Variants in ZBBX observed in about 807,000 individuals in gnomAD.
The protein encoded by ZBBX is zinc finger B-box domain-containing protein 1.
In ZBBX, 101 loss-of-function variants were observed where a neutral mutation model predicts 108.5. That is an observed-to-expected ratio of 0.93 (90% CI 0.79 to 1.10). The LOEUF (loss-of-function observed/expected upper bound fraction) is 1.10, where lower values mean the gene tolerates loss of function less well. ZBBX is among the 50% of genes least tolerant of loss of function. The pLI is 0.00. For missense variants in ZBBX, 1,009 were observed against 941.4 expected, an observed-to-expected ratio of 1.07 and a Z score of -0.94; for synonymous variants, 356 against 323.4, an observed-to-expected ratio of 1.10 and a Z score of -1.08.
intron 11 of ZBBX, among the ~76,000 whole-genome samples, chr3:167,325,505 T>C (rs1737211646): frequency 6.6e-6 from 1 of 152,066 alleles, no homozygotes; most frequent in Non-Finnish European, 1.5e-5. Flanking sequence ...ACGTGGAAAT[T>C]ATGGGAGCTA....
intron 9 of ZBBX, among the ~76,000 whole-genome samples, chr3:167,335,123 C>T (rs1391635346): frequency 6.6e-6 from 1 of 151,576 alleles, no homozygotes; most frequent in African/African-American, 2.4e-5. Flanking sequence ...TAGATCTCTA[C>T]CAGCCCTAAC....
At chr3:167,257,742 C>T (rs1405790483) in intron 20 of ZBBX, among the ~76,000 whole-genome samples, 1 of 152,054 alleles carries the variant, frequency 6.6e-6, no homozygotes, top group Non-Finnish European at 1.5e-5. Flanking sequence ...TTGCATTTAC[C>T]TGATCATTAG....
the ZBBX span, among the ~76,000 whole-genome samples, chr3:167,182,092 T>C: frequency 6.6e-6 from 1 of 152,200 alleles, no homozygotes; most frequent in Non-Finnish European, 1.5e-5. Flanking sequence ...CAGTTTTCTT[T>C]TTCCCCCCAA....
At chr3:167,318,667 T>C (rs1735874981) in intron 12 of ZBBX, among the ~76,000 whole-genome samples, 1 of 152,032 alleles carries the variant, frequency 6.6e-6, no homozygotes, top group African/African-American at 2.4e-5. Flanking sequence ...AATTAACAGA[T>C]ACACACTACT....
intron 8 of ZBBX, 23 bp downstream of exon 8, chr3:167,359,847 T>TATATAC: frequency 7.9e-6 from 9 of 1,144,662 alleles, no homozygotes; most frequent in Non-Finnish European, 1.1e-5. Flanking sequence ...AGTATATGTA[T>TATATAC]ATATACTATA....
chr3:167,296,283 AC>A (rs779913925), intron 18 of ZBBX, among the ~76,000 whole-genome samples: 8 of 152,138 alleles, frequency 5.3e-5, no homozygotes, highest in Non-Finnish European at 8.8e-5. Context: ...CTAATAACCC[AC>A]AGCAAACATC....
chr3:167,311,018 C>T (rs937574853), intron 16 of ZBBX, among the ~76,000 whole-genome samples: 2 of 151,972 alleles, frequency 1.3e-5, no homozygotes, highest in African/African-American at 4.8e-5. Flanking sequence ...CGAAGAAGAG[C>T]AAAGTCAGAA....
the ZBBX span, among the ~76,000 whole-genome samples, chr3:167,205,175 A>G: frequency 6.6e-6 from 1 of 152,126 alleles, no homozygotes. Flanking sequence ...ACCCCTCATT[A>G]AAACCGTGAA....
intron 5 of ZBBX, among the ~76,000 whole-genome samples, chr3:167,367,884 CATT>C (rs1280736555): frequency 6.7e-6 from 1 of 148,994 alleles, no homozygotes; most frequent in Admixed American, 6.7e-5. Context: ...AGAAAGTTCT[CATT>C]AATAAAATTT....
the ZBBX span, among the ~76,000 whole-genome samples, chr3:167,184,391 G>T: frequency 4.7e-4 from 71 of 152,250 alleles, no homozygotes; most frequent in South Asian, 0.014. Context: ...TAGTTGGCCA[G>T]GCTGGTGTCG....
rs1351029093 is a variant in ZBBX at position 167,333,926 on chromosome 3, A to G, written c.588T>C (p.Val196=). 1.9e-6 allele frequency: 3 copies of G among 1,611,824 alleles called. No homozygotes were observed. The East Asian group carries it at 6.7e-5, about 36-fold the overall frequency. The change falls in exon 10 of 22, where the codon GTT becomes GTC. Residue 196 remains valine, a synonymous_variant. Transcript: ENST00000675490. The part of the protein sequence containing the change: ...LDVAHQFIKD[V]NPDEPKEENN... ...TCTCCTCTTTGGGTTCATCTGGATT[A>G]ACATCCTTTATAAACTGATGGGCAA...
At chr3:167,299,983 C>A (rs1732354787) in intron 17 of ZBBX, among the ~76,000 whole-genome samples, 2 of 152,136 alleles carry the variant, frequency 1.3e-5, no homozygotes, top group African/African-American at 2.4e-5. Context: ...TCTTCAAATT[C>A]TCTTGTGATC....
the ZBBX span, among the ~76,000 whole-genome samples, chr3:167,194,945 A>G: frequency 6.6e-6 from 1 of 152,182 alleles, no homozygotes; most frequent in Non-Finnish European, 1.5e-5. Context: ...GACAAGGACC[A>G]GAAGCACTGA....
At chr3:167,191,932 T>TAGAGAGAGAGAGAGAGAGAG in the ZBBX span, among the ~76,000 whole-genome samples, 20 of 128,038 alleles carry the variant, frequency 1.6e-4, 1 homozygote, top group African/African-American at 5.8e-4. Flanking sequence ...TATATATATA[T>TAGAGAGAGAGAGAGAGAGAG]ATAGAGCAAG....
chr3:167,348,081 T>G (rs1406952903), intron 9 of ZBBX, among the ~76,000 whole-genome samples: 1 of 151,720 alleles, frequency 6.6e-6, no homozygotes, highest in African/African-American at 2.4e-5. Flanking sequence ...ATTTGTGGCT[T>G]ACCAACCTTC....
intron 20 of ZBBX, among the ~76,000 whole-genome samples, chr3:167,267,999 C>A (rs1041629699): frequency 1.3e-5 from 2 of 152,084 alleles, no homozygotes; most frequent in Admixed American, 1.3e-4. Context: ...TGCCATAAAC[C>A]TGTTCCCTCT....
chr3:167,209,410 G>C, the ZBBX span, among the ~76,000 whole-genome samples: 14 of 152,088 alleles, frequency 9.2e-5, no homozygotes, highest in African/African-American at 2.7e-4. Context: ...ATTTCTTTGA[G>C]AGAAAGTTAG....
At position 167,242,440 on chromosome 3, in the gene ZBBX, T is replaced by A. The variant is rs570980443; in HGVS notation, c.2393+65A>T. ...TCTTTCTATATATAATAAAGATAAC[T>A]AGTTGGAGCTTGTCAAAATTTTACT... is the stretch of plus-strand genomic sequence containing the variant. On this transcript the variant is annotated intron_variant, in intron 21 of 21. Coordinates refer to ENST00000675490, the MANE Select transcript of ZBBX (RefSeq NM_001199201.2). The A allele has an allele frequency of 1.8e-3, 2,435 of 1,328,008 alleles. 37 individuals carry two copies. The African/African-American group carries it at 0.031, about 17-fold the overall frequency. 82.3% of individuals were successfully genotyped at this position (1,328,008 alleles called of 1,614,324 possible). A position where few individuals can be genotyped will look rare whatever the true frequency, so the allele number is the denominator to read the frequency against.
chr3:167,388,334 G>C (rs983848246), intron 1 of ZBBX, among the ~76,000 whole-genome samples: 2 of 151,856 alleles, frequency 1.3e-5, no homozygotes, highest in Non-Finnish European at 2.9e-5. Context: ...GGAGATGAAG[G>C]CCAAAATAAG....
Sources: allele counts gnomAD v4.1 joint callset (sites outside exome capture counted in the v4.1 genomes callset), GRCh38; gene constraint gnomAD v4.1.1; transcripts MANE v1.5; gene names NCBI Gene and HGNC (gene_info 2026-07-23, HGNC 2026-07-21).